The following PDE7A variants were observed in gnomAD, a reference collection of about 807,000 sequenced individuals.
PDE7A encodes the protein high affinity 3',5'-cyclic-AMP phosphodiesterase 7A.
PDE7A carries 39 observed loss-of-function variants against 64.3 expected under a neutral mutation model. The observed-to-expected ratio is 0.61, with a 90% CI of 0.47 to 0.79. The LOEUF is 0.79. Ranked by LOEUF, PDE7A falls within the 30% of genes least tolerant of loss-of-function variation. The pLI is 0.00. For missense variants in PDE7A, 470 were observed against 582.8 expected, an observed-to-expected ratio of 0.81 and a Z score of 1.99; for synonymous variants, 203 against 206.8, an observed-to-expected ratio of 0.98 and a Z score of 0.16.
At chr8:65,744,468 C>T (rs902554539) in intron 5 of PDE7A, among the ~76,000 whole-genome samples, 7 of 151,966 alleles carry the variant, frequency 4.6e-5, no homozygotes, top group South Asian at 4.1e-4. Context: ...TGTTTCTGTC[C>T]GCAAAGAGAA....
intron 4 of PDE7A, among the ~76,000 whole-genome samples, chr8:65,747,334 AG>A (rs1166261162): frequency 4.6e-5 from 7 of 152,238 alleles, no homozygotes; most frequent in African/African-American, 1.4e-4. Flanking sequence ...TGATTAGATC[AG>A]GTAATCTCTA....
chr8:65,753,670 G>A lies in PDE7A; in HGVS notation c.284-5867C>T, dbSNP rs551591524. On this transcript the variant is annotated intron_variant, in intron 3 of 12. Coordinates refer to ENST00000401827, the MANE Select transcript of PDE7A (RefSeq NM_001242318.3). ...GGATTATAGTGTTGCTCAGGTGCTC[G>A]ATTTCCTTATTACTCTTCTGATTGT... 5.5e-4 allele frequency among the ~76,000 whole-genome samples: 84 copies of A among 152,100 alleles called. 1 individual carries two copies. Among genetic ancestry groups the A allele is most frequent in the Non-Finnish European group, 1.0e-3 (71 of 68,026 alleles).
chr8:65,779,640 C>CT, intron 3 of PDE7A, 80 bp downstream of exon 3: 1 of 732,988 alleles, frequency 1.4e-6, no homozygotes, highest in Non-Finnish European at 2.3e-6. Flanking sequence ...TTCTGGTATT[C>CT]TTTTTCCCTT....
At chr8:65,747,568 CTA>C (rs1227458634) in intron 4 of PDE7A, 82 bp downstream of exon 4, 6 of 803,852 alleles carry the variant, frequency 7.5e-6, no homozygotes. Flanking sequence ...GAAAAAGACT[CTA>C]TAAATCATTA....
intron 1 of PDE7A, among the ~76,000 whole-genome samples, chr8:65,835,665 T>C (rs1261919108): frequency 2.0e-5 from 3 of 152,222 alleles, no homozygotes; most frequent in Non-Finnish European, 2.9e-5. Flanking sequence ...AGGGCACCTC[T>C]CCCTCTTTCC....
At chr8:65,736,787 TCTG>T (rs1202247240) in intron 6 of PDE7A, among the ~76,000 whole-genome samples, 6 of 114,200 alleles carry the variant, frequency 5.3e-5, no homozygotes, top group Middle Eastern at 4.6e-3. Flanking sequence ...AATAAATTTA[TCTG>T]TTTTTTTTTT....
rs148172847 is a variant in PDE7A at position 65,716,034 on chromosome 8, G to C, written c.*3256C>G. On this transcript the variant is annotated 3_prime_UTR_variant, in exon 13 of 13. Transcript: ENST00000401827. ...AAAAAAAAAAAAAAAAATTAGCTGG[G>C]TGGTGTGGTGGCACTCAGGAGGCTG... 0.018 allele frequency among the ~76,000 whole-genome samples: 2,547 copies of C among 145,432 alleles called. 36 individuals are homozygous for C. The highest frequency in any genetic ancestry group is 0.04 in the Middle Eastern group (11 of 272).
chr8:65,717,677 T>C lies in PDE7A; in HGVS notation c.*1613A>G, dbSNP rs1563465699. On this transcript the variant is annotated 3_prime_UTR_variant, in exon 13 of 13. Transcript: ENST00000401827. ...TGAGTTATAAGGTAAATGTCAAAGATAAAAATATGAAAAGATAGGTTTTTA... is the reference window on the plus strand; with the variant it reads ...TGAGTTATAAGGTAAATGTCAAAGACAAAAATATGAAAAGATAGGTTTTTA... 1.3e-5 allele frequency: 2 copies of C among 152,138 alleles called. No homozygotes were observed. Among genetic ancestry groups the C allele is most frequent in the African/African-American group, 2.4e-5 (1 of 41,430 alleles). 9.4% of individuals were successfully genotyped at this position (152,138 alleles called of 1,614,324 possible).
intron 1 of PDE7A, among the ~76,000 whole-genome samples, chr8:65,816,620 ACTT>A (rs1810410237): frequency 6.6e-6 from 1 of 152,168 alleles, no homozygotes; most frequent in Admixed American, 6.5e-5. Context: ...CTAAATATAG[ACTT>A]CTTCACAGAC....
chr8:65,762,459 G>C (rs779538121), intron 3 of PDE7A, among the ~76,000 whole-genome samples: 2 of 152,120 alleles, frequency 1.3e-5, no homozygotes, highest in Non-Finnish European at 2.9e-5. Context: ...GAGAACACAG[G>C]GGCTTAGGAA....
intron 1 of PDE7A, among the ~76,000 whole-genome samples, chr8:65,830,005 T>C (rs940696344): frequency 6.6e-6 from 1 of 152,128 alleles, no homozygotes. Flanking sequence ...TACAGTTTTC[T>C]AGAACCATTG....
chr8:65,811,949 G>A (rs780103605), intron 1 of PDE7A, among the ~76,000 whole-genome samples: 14 of 152,196 alleles, frequency 9.2e-5, no homozygotes, highest in Non-Finnish European at 1.8e-4. Flanking sequence ...GCTCACACCT[G>A]TAATCCCAGC....
At chr8:65,812,405 T>C (rs367759641) in intron 1 of PDE7A, among the ~76,000 whole-genome samples, 10 of 152,026 alleles carry the variant, frequency 6.6e-5, no homozygotes, top group African/African-American at 9.7e-5. Context: ...AAATTCCAGA[T>C]GGAGCAAAGA....
chr8:65,763,447 C>T (rs1808610794), intron 3 of PDE7A, among the ~76,000 whole-genome samples: 3 of 152,166 alleles, frequency 2.0e-5, no homozygotes, highest in Admixed American at 2.0e-4. Flanking sequence ...GGTCTGTAAT[C>T]CCAGCTACTT....
intron 1 of PDE7A, among the ~76,000 whole-genome samples, chr8:65,832,014 G>A (rs1810838574): frequency 1.3e-5 from 2 of 152,172 alleles, no homozygotes; most frequent in South Asian, 4.2e-4. Flanking sequence ...TTTTTGGCAC[G>A]CATGCATGGT....
At chr8:65,837,047 AAC>A (rs1392317857) in intron 1 of PDE7A, among the ~76,000 whole-genome samples, 1 of 152,212 alleles carries the variant, frequency 6.6e-6, no homozygotes, top group Non-Finnish European at 1.5e-5. Flanking sequence ...ATCATCTCAT[AAC>A]ACTTTGATAA....
At chr8:65,769,066 GGTGAAACCCC>G (rs1808942116) in intron 3 of PDE7A, among the ~76,000 whole-genome samples, 2 of 151,416 alleles carry the variant, frequency 1.3e-5, no homozygotes, top group African/African-American at 4.9e-5. Context: ...TGGCCAACAT[GGTGAAACCCC>G]GTCTCTACTA....
At chr8:65,788,274 C>A (rs1809613238) in intron 1 of PDE7A, among the ~76,000 whole-genome samples, 1 of 151,884 alleles carries the variant, frequency 6.6e-6, no homozygotes, top group Admixed American at 6.6e-5. Flanking sequence ...AGTTTTAGAC[C>A]CTTCTCCAGA....
chr8:65,786,263 A>G (rs764024911), intron 1 of PDE7A, among the ~76,000 whole-genome samples: 5 of 152,206 alleles, frequency 3.3e-5, no homozygotes, highest in Non-Finnish European at 7.4e-5. Context: ...GAACCACAAG[A>G]CATAGCTTTT....
Sources: gnomAD v4.1 joint callset for allele counts (sites outside exome capture counted in the v4.1 genomes callset) on GRCh38, gnomAD v4.1.1 for gene constraint, MANE v1.5 for transcripts, NCBI Gene and HGNC (gene_info 2026-07-23, HGNC 2026-07-21) for gene names.